Variants in XKR6 observed in about 807,000 individuals in gnomAD.
XKR6 encodes the protein XK-related protein 6.
Under a neutral mutation model 56.7 loss-of-function variants are expected in XKR6, and 22 were observed. The observed-to-expected ratio is 0.39, with a 90% CI of 0.28 to 0.55. The LOEUF (loss-of-function observed/expected upper bound fraction) is 0.55, where lower values mean the gene tolerates loss of function less well. XKR6 is among the 20% of genes least tolerant of loss of function. XKR6 has a pLI of 0.66. For synonymous variants in XKR6, 524 were observed against 387.8 expected (o/e 1.35, Z -4.13); for missense variants, 852 against 889.0 (o/e 0.96, Z 0.53).
chr8:10,920,369 C>G (rs1800675138), intron 2 of XKR6, among the ~76,000 whole-genome samples: 2 of 152,106 alleles, frequency 1.3e-5, no homozygotes, highest in African/African-American at 4.8e-5. Flanking sequence ...TAGGTACTAG[C>G]ATTATCCCCA....
intron 1 of XKR6, among the ~76,000 whole-genome samples, chr8:11,044,372 C>T (rs898265374): frequency 9.9e-5 from 15 of 152,184 alleles, no homozygotes; most frequent in Non-Finnish European, 2.1e-4. Flanking sequence ...TCTCAGCCAA[C>T]CCCTTCAGCA....
At chr8:11,009,714 C>T (rs1012587568) in intron 1 of XKR6, among the ~76,000 whole-genome samples, 1 of 152,152 alleles carries the variant, frequency 6.6e-6, no homozygotes, top group Non-Finnish European at 1.5e-5. Flanking sequence ...GACATGATGG[C>T]ATCCTGGAAG....
chr8:11,197,253 A>C (rs1803941665), intron 1 of XKR6, among the ~76,000 whole-genome samples: 1 of 152,216 alleles, frequency 6.6e-6, no homozygotes, highest in Non-Finnish European at 1.5e-5. Flanking sequence ...ACATCCATTA[A>C]ATGGGAGATT....
intron 1 of XKR6, among the ~76,000 whole-genome samples, chr8:10,976,846 C>T (rs192535972): frequency 7.9e-5 from 12 of 152,128 alleles, no homozygotes; most frequent in Non-Finnish European, 1.3e-4. Flanking sequence ...GCGATGTGGC[C>T]TCCCTGAAAG....
At chr8:10,991,377 C>G (rs1016409520) in intron 1 of XKR6, among the ~76,000 whole-genome samples, 4 of 152,198 alleles carry the variant, frequency 2.6e-5, no homozygotes, top group African/African-American at 9.7e-5. Context: ...CTGCCTCTTT[C>G]ACTTTGGATT....
At chr8:11,165,177 G>A (rs1304913437) in intron 1 of XKR6, among the ~76,000 whole-genome samples, 2 of 133,810 alleles carry the variant, frequency 1.5e-5, no homozygotes, top group Admixed American at 9.0e-5. Context: ...TTGGCTCACT[G>A]CAACCTCCGC....
intron 1 of XKR6, among the ~76,000 whole-genome samples, chr8:11,063,310 G>T (rs1295879480): frequency 4.0e-5 from 6 of 150,384 alleles, no homozygotes; most frequent in African/African-American, 1.2e-4. Flanking sequence ...TGTAAAGAAA[G>T]AACAAAAAGT....
chr8:11,061,821 G>A (rs375473184), intron 1 of XKR6, among the ~76,000 whole-genome samples: 1 of 152,224 alleles, frequency 6.6e-6, no homozygotes, highest in East Asian at 1.9e-4. Context: ...CAGGAGGGCA[G>A]CCATCGGTGA....
At chr8:11,100,374 G>C (rs1002799046) in intron 1 of XKR6, among the ~76,000 whole-genome samples, 2 of 152,182 alleles carry the variant, frequency 1.3e-5, no homozygotes, top group Non-Finnish European at 2.9e-5. Context: ...AAAAAGAATA[G>C]AATTTATGAC....
intron 1 of XKR6, among the ~76,000 whole-genome samples, chr8:11,077,541 G>C (rs1800306396): frequency 1.3e-5 from 2 of 152,180 alleles, no homozygotes; most frequent in Non-Finnish European, 2.9e-5. Context: ...GTCAGGCAAA[G>C]GCCTGATGCT....
At chr8:11,097,721 C>A (rs541939541) in intron 1 of XKR6, among the ~76,000 whole-genome samples, 4 of 147,234 alleles carry the variant, frequency 2.7e-5, no homozygotes, top group African/African-American at 1.0e-4. Flanking sequence ...GCAGCAGAAT[C>A]GCTTGAACCC....
intron 1 of XKR6, among the ~76,000 whole-genome samples, chr8:10,931,670 A>G (rs554077062): frequency 6.6e-6 from 1 of 152,312 alleles, no homozygotes; most frequent in Admixed American, 6.5e-5. Flanking sequence ...TCAACAAATG[A>G]TGTAGTAATA....
chr8:11,067,793 C>T (rs928163510), intron 1 of XKR6, among the ~76,000 whole-genome samples: 6 of 152,224 alleles, frequency 3.9e-5, no homozygotes, highest in East Asian at 1.9e-4. Context: ...CAAGAGCAGG[C>T]GTTTCAGAGG....
intron 1 of XKR6, among the ~76,000 whole-genome samples, chr8:10,951,317 C>G (rs1179471702): frequency 6.7e-5 from 8 of 119,942 alleles, no homozygotes; most frequent in East Asian, 2.0e-4. Flanking sequence ...GGGGCCCCCA[C>G]AGTGGTGACA....
At chr8:11,196,357 C>G (rs187549517) in intron 1 of XKR6, among the ~76,000 whole-genome samples, 1 of 152,252 alleles carries the variant, frequency 6.6e-6, no homozygotes, top group East Asian at 1.9e-4. Flanking sequence ...ATTTATTGAA[C>G]ACTGTTTTGA....
intron 1 of XKR6, among the ~76,000 whole-genome samples, chr8:10,989,691 A>G (rs1271017521): frequency 2.6e-5 from 4 of 152,222 alleles, no homozygotes; most frequent in Non-Finnish European, 5.9e-5. Context: ...TGAATGTTAA[A>G]CAATACATGC....
At position 10,986,931 on chromosome 8, in the gene XKR6, T is replaced by C. The variant is rs144512638; in HGVS notation, c.765-62101A>G. ...GACTATAGGTGTGCACTACCATGCC[T>C]GGCCAATTTTTTTTTTTTAACATTT... is the stretch of plus-strand genomic sequence containing the variant. On this transcript the variant is annotated intron_variant, in intron 1 of 2. Coordinates refer to ENST00000416569, the MANE Select transcript of XKR6 (RefSeq NM_173683.4). Among the ~76,000 whole-genome samples, 137 of 148,762 alleles carry C rather than the reference T, an allele frequency of 9.2e-4. 1 individual carries two copies. The highest frequency in any genetic ancestry group is 6.6e-3 in the East Asian group (34 of 5,168).
chr8:11,137,331 G>A (rs562473280), intron 1 of XKR6: 4 of 318,494 alleles, frequency 1.3e-5, no homozygotes, highest in African/African-American at 8.8e-5. Flanking sequence ...GCATAAGTGA[G>A]AAAAAGAAAA....
At chr8:10,983,131 A>C (rs1302056912) in intron 1 of XKR6, among the ~76,000 whole-genome samples, 1 of 152,254 alleles carries the variant, frequency 6.6e-6, no homozygotes, top group Non-Finnish European at 1.5e-5. Flanking sequence ...GCAACAAGAT[A>C]ACCCAAGGAA....
Sources: gnomAD v4.1 joint callset for allele counts (sites outside exome capture counted in the v4.1 genomes callset) on GRCh38, gnomAD v4.1.1 for gene constraint, MANE v1.5 for transcripts, NCBI Gene and HGNC (gene_info 2026-07-23, HGNC 2026-07-21) for gene names.